The following WWOX variants were observed in gnomAD, a reference collection of about 807,000 sequenced individuals.
WWOX encodes the protein WW domain-containing oxidoreductase.
A neutral mutation model predicts 46.2 loss-of-function variants in WWOX; 69 were observed. That is an observed-to-expected ratio of 1.49 (90% CI 1.23 to 1.82). The LOEUF is 1.82. Ranked by LOEUF, WWOX falls within the 40% of genes most tolerant of loss-of-function variation. The probability of loss-of-function intolerance (pLI) is 0.00; values close to 1 mark genes in which losing one functional copy is unlikely to be tolerated. For missense variants in WWOX, 919 were observed against 542.6 expected (o/e 1.69, Z -6.89); for synonymous variants, 359 against 202.6 (o/e 1.77, Z -6.56).
intron 5 of WWOX, among the ~76,000 whole-genome samples, chr16:78,314,701 GT>G (rs920575863): frequency 0.011 from 660 of 61,268 alleles, 5 homozygotes; most frequent in Middle Eastern, 0.023. Flanking sequence ...TTTTTTTTTT[GT>G]TTTTTTTTTT....
At chr16:78,555,042 C>A (rs546960056) in intron 8 of WWOX, among the ~76,000 whole-genome samples, 1 of 152,028 alleles carries the variant, frequency 6.6e-6, no homozygotes, top group East Asian at 1.9e-4. Context: ...TTTAAGGTCC[C>A]GAGGAATGTG....
chr16:78,152,429 C>T (rs944971582), intron 4 of WWOX, among the ~76,000 whole-genome samples: 1 of 152,168 alleles, frequency 6.6e-6, no homozygotes, highest in Non-Finnish European at 1.5e-5. Flanking sequence ...GTGGCTGGGT[C>T]AAAGAGCATG....
At chr16:78,650,513 A>T (rs1185261193) in intron 8 of WWOX, among the ~76,000 whole-genome samples, 3 of 152,112 alleles carry the variant, frequency 2.0e-5, no homozygotes, top group African/African-American at 4.8e-5. Context: ...ACTCAACCCA[A>T]ATCTAAAGCC....
At chr16:78,906,422 C>G (rs977683755) in intron 8 of WWOX, among the ~76,000 whole-genome samples, 6 of 152,138 alleles carry the variant, frequency 3.9e-5, no homozygotes, top group Non-Finnish European at 7.4e-5. Context: ...CTCCCCAACC[C>G]TCCCCCAAGC....
At chr16:79,083,557 T>C (rs187154506) in intron 8 of WWOX, among the ~76,000 whole-genome samples, 1 of 152,340 alleles carries the variant, frequency 6.6e-6, no homozygotes, top group Non-Finnish European at 1.5e-5. Flanking sequence ...CAGTGTTGTT[T>C]TATTCATCTG....
At chr16:78,867,144 A>G (rs142994325) in intron 8 of WWOX, among the ~76,000 whole-genome samples, 18 of 152,266 alleles carry the variant, frequency 1.2e-4, no homozygotes, top group East Asian at 5.8e-4. Flanking sequence ...GGGTGGGTCA[A>G]TGACAAGAAA....
intron 8 of WWOX, among the ~76,000 whole-genome samples, chr16:78,727,455 G>C (rs1168715691): frequency 1.3e-5 from 2 of 152,096 alleles, no homozygotes; most frequent in Non-Finnish European, 2.9e-5. Flanking sequence ...CTGGTGATCT[G>C]AATACATCAC....
chr16:78,355,585 T>C (rs1597087672), intron 5 of WWOX: 2 of 501,210 alleles, frequency 4.0e-6, no homozygotes, highest in Non-Finnish European at 7.9e-6. Context: ...ATCCCCTGGA[T>C]CTTAGGCTCA....
At chr16:78,663,865 C>G (rs147140503) in intron 8 of WWOX, among the ~76,000 whole-genome samples, 22 of 152,144 alleles carry the variant, frequency 1.4e-4, no homozygotes, top group East Asian at 9.7e-4. Context: ...GAAACACACT[C>G]GATGTGTTCA....
chr16:78,327,738 C>T (rs547449509), intron 5 of WWOX, among the ~76,000 whole-genome samples: 8 of 152,088 alleles, frequency 5.3e-5, no homozygotes, highest in East Asian at 1.9e-4. Context: ...TCCTTCAGAC[C>T]CCCGACCATG....
At chr16:78,876,544 G>T (rs1336660346) in intron 8 of WWOX, among the ~76,000 whole-genome samples, 4 of 150,418 alleles carry the variant, frequency 2.7e-5, no homozygotes, top group African/African-American at 9.8e-5. Context: ...TTTCTCATTC[G>T]CCCCTTTCTT....
At chr16:78,553,440 G>A (rs2044219618) in intron 8 of WWOX, 1 of 152,444 alleles carries the variant, frequency 6.6e-6, no homozygotes, top group Non-Finnish European at 1.5e-5. Context: ...GGTGATTAGG[G>A]TAGGTGGGTG....
chr16:79,165,829 C>G (rs1043590735), intron 8 of WWOX, among the ~76,000 whole-genome samples: 1 of 152,140 alleles, frequency 6.6e-6, no homozygotes, highest in African/African-American at 2.4e-5. Context: ...ATCCCTCACT[C>G]GGTCGCCGAA....
intron 8 of WWOX, among the ~76,000 whole-genome samples, chr16:78,468,997 C>G (rs17638468): frequency 0.056 from 8,508 of 152,236 alleles, 297 homozygotes; most frequent in Non-Finnish European, 0.082. Context: ...CTTGACTTAG[C>G]TATCTTTCTT....
intron 8 of WWOX, among the ~76,000 whole-genome samples, chr16:79,157,972 G>C (rs886841732): frequency 1.3e-5 from 2 of 152,176 alleles, no homozygotes; most frequent in African/African-American, 4.8e-5. Context: ...AGAAATAAAG[G>C]AGGTGGTGGG....
intron 8 of WWOX, among the ~76,000 whole-genome samples, chr16:78,436,513 CCT>C (rs1307458220): frequency 6.6e-6 from 1 of 152,156 alleles, no homozygotes; most frequent in Non-Finnish European, 1.5e-5. Context: ...TTACTAAAAT[CCT>C]CTCTAGTGTA....
rs549221437 is a variant in WWOX at position 78,112,773 on chromosome 16, C to T, written c.231-2203C>T. On this transcript the variant is annotated intron_variant, in intron 3 of 8. Transcript: ENST00000566780. ...GAGGTGCAGTGACACAGTCACAGCT[C>T]GCTGCAGCCTCAACCTCCTGGACTC... 9.3e-5 allele frequency among the ~76,000 whole-genome samples: 14 copies of T among 149,840 alleles called. No homozygotes were observed. The South Asian group carries it at 1.7e-3, about 18-fold the overall frequency.
At chr16:79,039,623 C>G (rs1318946757) in intron 8 of WWOX, among the ~76,000 whole-genome samples, 1 of 152,206 alleles carries the variant, frequency 6.6e-6, no homozygotes, top group Admixed American at 6.5e-5. Context: ...CTACCGTAGG[C>G]TTCTTGACCC....
At chr16:78,782,523 G>C (rs1036645947) in intron 8 of WWOX, among the ~76,000 whole-genome samples, 17 of 152,128 alleles carry the variant, frequency 1.1e-4, no homozygotes, top group Non-Finnish European at 2.2e-4. Context: ...CTTGGTAATT[G>C]AATTCAAGAG....
Sources: allele counts gnomAD v4.1 joint callset (sites outside exome capture counted in the v4.1 genomes callset), GRCh38; gene constraint gnomAD v4.1.1; transcripts MANE v1.5; gene names NCBI Gene and HGNC (gene_info 2026-07-23, HGNC 2026-07-21).